The following HSF1 variants were observed in gnomAD, a reference collection of about 807,000 sequenced individuals.
The protein encoded by HSF1 is heat shock transcription factor 1, also known as heat shock factor protein 1.
A neutral mutation model predicts 51.7 loss-of-function variants in HSF1; 32 were observed. The ratio of observed to expected loss-of-function variants is 0.62; its 90% CI spans 0.47 to 0.83. The LOEUF is 0.83. HSF1 is among the 40% of genes least tolerant of loss of function. The pLI, the probability that HSF1 is intolerant of heterozygous loss-of-function variation, is 0.00. For synonymous variants in HSF1, 396 were observed against 309.7 expected (o/e 1.28, Z -2.92); for missense variants, 727 against 717.0 (o/e 1.01, Z -0.16).
chr8:144,297,382 G>A lies in HSF1; in HGVS notation c.117+5508G>A, dbSNP rs1194299928. Among the ~76,000 whole-genome samples, 1 of 152,170 alleles carries A rather than the reference G, an allele frequency of 6.6e-6. No individual in the cohort carries two copies. Among genetic ancestry groups the A allele is most frequent in the African/African-American group, 2.4e-5 (1 of 41,440 alleles). ...AGCAGTAGCCACCACACTTGTGCACGGCAGCCAGTGACGAGATGTGATGAG... is the reference window on the plus strand; with the variant it reads ...AGCAGTAGCCACCACACTTGTGCACAGCAGCCAGTGACGAGATGTGATGAG... On this transcript the variant is annotated intron_variant, in intron 1 of 12. Transcript: ENST00000528838. The surrounding 1 kb of genome is among the most constrained non-coding windows in gnomAD (Gnocchi z 4.6).
intron 1 of HSF1, among the ~76,000 whole-genome samples, chr8:144,299,067 C>G (rs1253082071): frequency 1.3e-5 from 2 of 152,196 alleles, no homozygotes; most frequent in African/African-American, 2.4e-5. Flanking sequence ...AGAGGAAAGG[C>G]CACTCCAATG....
intron 10 of HSF1, 49 bp downstream of exon 10, chr8:144,313,665 G>GCCTCCCCGCCGCC (rs1453812958): frequency 9.6e-6 from 1 of 104,298 alleles, no homozygotes; most frequent in African/African-American, 1.1e-4. Flanking sequence ...TCCCCGCCGC[G>GCCTCCCCGCCGCC]CCGCCCCGCC....
intron 4 of HSF1, chr8:144,310,258 A>C: frequency 4.8e-6 from 1 of 209,346 alleles, no homozygotes; most frequent in Non-Finnish European, 9.7e-6. Flanking sequence ...CTGGGGTCAG[A>C]CCCACCTCAG....
chr8:144,304,677 C>T (rs782519010), intron 1 of HSF1, among the ~76,000 whole-genome samples: 18 of 152,114 alleles, frequency 1.2e-4, no homozygotes, highest in East Asian at 1.9e-4. Flanking sequence ...GATGGAGTCT[C>T]GCTCTGTCAC....
chr8:144,312,158 G>A lies in HSF1; in HGVS notation c.1056G>A (p.Arg352=), dbSNP rs782557296. 1 of 1,610,942 alleles carries A rather than the reference G, an allele frequency of 6.2e-7. No homozygotes were observed. The highest frequency in any genetic ancestry group is 1.1e-5 in the South Asian group (1 of 91,062). The change falls in exon 9 of 13, where the codon AGG becomes AGA. Residue 352 remains arginine (R), a synonymous_variant. Coordinates refer to ENST00000528838, the MANE Select transcript of HSF1 (RefSeq NM_005526.4). ...CCGTCACAGCCCTCACGGACGCCAG[G>A]GGCCACACGGACACCGAGGGCCGGC... ...PASVTALTDA[R]GHTDTEGRPP...
In HSF1 at chr8:144,311,831, C is replaced by A; in HGVS notation, c.855C>A (p.Asp285Glu). 1 of 1,604,878 alleles carries A rather than the reference C, an allele frequency of 6.2e-7. No individual in the cohort carries two copies. The highest frequency in any genetic ancestry group is 8.5e-7 in the Non-Finnish European group (1 of 1,176,170). The change falls in exon 8 of 13, where the codon GAC (aspartate) becomes GAA (glutamate). Residue 285 changes from aspartate to glutamate, a missense_variant. Physicochemically the swap from Asp to Glu is conservative, Grantham distance 45. Around this residue, in one of 2 missense-constraint regions of HSF1, gnomAD observed 470 missense variants for 398.8 expected, o/e 1.18. Transcript: ENST00000528838. ...SPMASPGGSI[D>E]ERPLSSSPLV... The stretch of plus-strand genomic sequence containing the variant: ...TGGCCTCCCCCGGCGGGAGCATAGA[C>A]GAGAGGTGGGGGCCGCATCACCCCA...
At position 144,312,131 on chromosome 8, in the gene HSF1, C is replaced by T; in HGVS notation, c.1029C>T (p.Ala343=). The T allele has an allele frequency of 3.7e-6, 6 of 1,612,132 alleles. No homozygotes were observed. The highest frequency in any genetic ancestry group is 5.1e-6 in the Non-Finnish European group (6 of 1,179,702). The part of the protein sequence containing the change: ...SILRESEPAP[A]SVTALTDARG... ...TGCGGGAGAGTGAACCTGCCCCCGC[C>T]TCCGTCACAGCCCTCACGGACGCCA... Residue 343 remains alanine (A), a synonymous_variant, in exon 9 of 13, where the codon GCC becomes GCT. Transcript: ENST00000528838.
At chr8:144,313,173 C>T (rs1816802160) in intron 9 of HSF1, 1 of 389,184 alleles carries the variant, frequency 2.6e-6, no homozygotes, top group East Asian at 5.0e-5. Flanking sequence ...CCTGTTTTCC[C>T]AGTGCAACGG....
At chr8:144,311,477 G>A (rs1816655362) in intron 6 of HSF1, 28 bp from the exon 7 acceptor site, 1 of 1,612,870 alleles carries the variant, frequency 6.2e-7, no homozygotes, top group African/African-American at 1.3e-5. Context: ...GGTGGGGGGT[G>A]GTGGCTGACC....
chr8:144,301,105 G>C (rs1554842179), intron 1 of HSF1, among the ~76,000 whole-genome samples: 1 of 152,196 alleles, frequency 6.6e-6, no homozygotes, highest in Non-Finnish European at 1.5e-5. Flanking sequence ...CCAGAAAACA[G>C]TGGGGAAGAG....
At chr8:144,312,375 G>A (rs1446376647) in intron 9 of HSF1, 131 bp downstream of exon 9, 17 of 749,846 alleles carry the variant, frequency 2.3e-5, no homozygotes, top group Admixed American at 5.3e-5. Flanking sequence ...CTCGGAGCTC[G>A]GGGCTGGGGA....
intron 1 of HSF1, among the ~76,000 whole-genome samples, chr8:144,308,312 A>C (rs1350754832): frequency 6.6e-6 from 1 of 152,238 alleles, no homozygotes; most frequent in African/African-American, 2.4e-5. Flanking sequence ...GCCTCCTGAT[A>C]GCTCTGGGCC....
At chr8:144,307,623 A>G (rs1816308553) in intron 1 of HSF1, among the ~76,000 whole-genome samples, 1 of 152,034 alleles carries the variant, frequency 6.6e-6, no homozygotes, top group Admixed American at 6.6e-5. Flanking sequence ...ATAGTCAGCT[A>G]CTCGGGAGGC....
At position 144,312,023 on chromosome 8, in the gene HSF1, C is replaced by G; in HGVS notation, c.921C>G (p.Ser307Arg). 1 of 1,604,462 alleles carries G rather than the reference C, an allele frequency of 6.2e-7. No homozygotes were observed. Among genetic ancestry groups the G allele is most frequent in the South Asian group, 1.1e-5 (1 of 90,650 alleles). The change falls in exon 9 of 13, where the codon AGC (serine) becomes AGG (arginine). Residue 307 changes from serine to arginine, a missense_variant. By Grantham distance (110) the Ser-to-Arg change is moderately radical. This residue lies in a region of HSF1 where 470 missense variants were observed against 398.8 expected (regional missense o/e 1.18). Transcript: ENST00000528838. ...AGGAGCCCCCCAGCCCGCCTCAGAG[C>G]CCCCGGGTAGAGGAGGCGAGTCCCG... ...VKEEPPSPPQ[S>R]PRVEEASPGR...
intron 2 of HSF1, 80 bp from the exon 3 acceptor site, chr8:144,309,375 G>A: frequency 6.3e-7 from 1 of 1,581,688 alleles, no homozygotes; most frequent in Non-Finnish European, 8.6e-7. Context: ...CCCCGCAGCA[G>A]CCTCCTGGAG....
Position 144,309,274 on chromosome 8 carries a change from G to A in HSF1, c.227-181G>A, listed in dbSNP as rs1430045003. On this transcript the variant is annotated intron_variant, in intron 2 of 12. Transcript: ENST00000528838. ...ACGTGTGTCGGGCGCAGGGAGCCCT[G>A]TGGGGACACAGGGTCTCCCTTAGAC... 1.3e-5 allele frequency: 10 copies of A among 786,080 alleles called. No homozygotes were observed. In the African/African-American group the frequency reaches 1.6e-4, roughly 12 times the overall value. 48.7% of individuals were successfully genotyped at this position (786,080 alleles called of 1,614,324 possible).
intron 1 of HSF1, among the ~76,000 whole-genome samples, chr8:144,307,353 AC>A (rs1460138569): frequency 1.3e-5 from 2 of 152,168 alleles, no homozygotes; most frequent in African/African-American, 4.8e-5. Context: ...GCCCTGGCCC[AC>A]CCCGCAGCGG....
At chr8:144,298,696 G>T (rs62532312) in intron 1 of HSF1, among the ~76,000 whole-genome samples, 77,640 of 152,060 alleles carry the variant, frequency 0.51, 20,099 homozygotes, top group Admixed American at 0.64. Flanking sequence ...GCAGACTCAC[G>T]TGCAGAGAAC....
rs540622628 is a variant in HSF1, at chr8:144,313,415, T to TG, written c.1143-90dup. 1.2e-4 allele frequency: 100 copies of TG among 805,546 alleles called. No homozygotes were observed. In the African/African-American group the frequency reaches 1.5e-3, roughly 12 times the overall value. The allele number at this position is 805,546 out of a possible 1,614,324, so 49.9% of individuals were successfully genotyped here. On this transcript the variant is annotated intron_variant, in intron 9 of 12. Transcript: ENST00000528838. ...TGCAGGCGTACACGGGGGTGCAGCC[T>TG]GGGGGGTACAGTCAAGGGGAGCCCT...
Sources: allele counts gnomAD v4.1 joint callset (sites outside exome capture counted in the v4.1 genomes callset), GRCh38; gene constraint gnomAD v4.1.1; regional missense constraint gnomAD v4.1.1; non-coding constraint Gnocchi (gnomAD v3.1); transcripts MANE v1.5; gene names NCBI Gene and HGNC (gene_info 2026-07-23, HGNC 2026-07-21).